NUP153: variants seen among roughly 807,000 people sequenced by gnomAD.
The protein encoded by NUP153 is nucleoporin 153, also known as nuclear pore complex protein Nup153.
A neutral mutation model predicts 134.6 loss-of-function variants in NUP153; 27 were observed. That is an observed-to-expected ratio of 0.20 (90% CI 0.15 to 0.28). NUP153 has a LOEUF of 0.28. Ranked by LOEUF, NUP153 falls within the 10% of genes least tolerant of loss-of-function variation. NUP153 has a pLI of 1.00. For missense variants in NUP153, 1,821 were observed against 1,731.3 expected, an observed-to-expected ratio of 1.05 and a Z score of -0.92; for synonymous variants, 640 against 623.5, an observed-to-expected ratio of 1.03 and a Z score of -0.40.
rs1453625451 is a variant in NUP153 at position 17,638,698 on chromosome 6, C to A, written c.1847-928G>T. ...AAATGAAGATTCTCCCCAAACATTT[C>A]CTATTTAAGAAGTAAAAAGGGAGCA... On this transcript the variant is annotated intron_variant, in intron 15 of 21. Coordinates refer to ENST00000262077, the MANE Select transcript of NUP153 (RefSeq NM_005124.4). This position sits in a 1 kb window ranked among gnomAD's most constrained non-coding sequence, Gnocchi z 4.0. 6.6e-6 allele frequency among the ~76,000 whole-genome samples: 1 copy of A among 152,156 alleles called. No individual in the cohort carries two copies.
chr6:17,644,797 A>G (rs564652403), intron 14 of NUP153, among the ~76,000 whole-genome samples: 1 of 152,262 alleles, frequency 6.6e-6, no homozygotes, highest in South Asian at 2.1e-4. Context: ...ACAAAAAATT[A>G]GCCAGGGGCA....
chr6:17,675,282 T>C lies in NUP153; in HGVS notation c.670A>G (p.Thr224Ala). Residue 224 changes from threonine to alanine, a missense_variant, in exon 4 of 22, where the codon ACC (threonine) becomes GCC (alanine). Physicochemically the swap from Thr to Ala is moderately conservative, Grantham distance 58 (BLOSUM62 0). Transcript: ENST00000262077. The surrounding 1 kb of genome is among the most constrained non-coding windows in gnomAD (Gnocchi z 4.4). ...TTGAATGCTGGTTTTTTTGAGCTGG[T>C]GGCAGTGTGCTGTGAGAGTGAGTGA... Reference protein sequence around the residue: ...RSHSLSQHTATSSKKPAFNLS... With the variant: ...RSHSLSQHTAASSKKPAFNLS... The C allele has an allele frequency of 6.2e-7, 1 of 1,614,180 alleles. No individual in the cohort carries two copies. Among genetic ancestry groups the C allele is most frequent in the African/African-American group, 1.3e-5 (1 of 75,066 alleles).
At chr6:17,618,508 G>A (rs1764452826) in intron 20 of NUP153, among the ~76,000 whole-genome samples, 1 of 149,220 alleles carries the variant, frequency 6.7e-6, no homozygotes, top group South Asian at 2.1e-4. Context: ...GAAACATCCA[G>A]AAAATAAAAA....
intron 11 of NUP153, among the ~76,000 whole-genome samples, chr6:17,657,671 C>A (rs1029744186): frequency 3.9e-5 from 6 of 152,128 alleles, no homozygotes; most frequent in African/African-American, 1.4e-4. Flanking sequence ...ATAAAGCTAA[C>A]CTGTATTTTC....
intron 5 of NUP153, among the ~76,000 whole-genome samples, chr6:17,670,523 T>C (rs1241575313): frequency 6.6e-6 from 1 of 152,226 alleles, no homozygotes; most frequent in African/African-American, 2.4e-5. Context: ...CCAATCTGCA[T>C]GCATTGATTT....
intron 1 of NUP153, among the ~76,000 whole-genome samples, chr6:17,689,421 A>C (rs1399033212): frequency 6.6e-6 from 1 of 152,068 alleles, no homozygotes; most frequent in Non-Finnish European, 1.5e-5. Context: ...ACAAACAAAA[A>C]AAAACAATCC....
intron 11 of NUP153, among the ~76,000 whole-genome samples, chr6:17,656,084 A>G (rs7745019): frequency 0.11 from 16,240 of 151,704 alleles, 907 homozygotes; most frequent in Admixed American, 0.14. Flanking sequence ...GTACGCTTGT[A>G]ATCCCAGCTA....
chr6:17,696,990 G>A (rs900527495), intron 1 of NUP153, among the ~76,000 whole-genome samples: 2 of 151,524 alleles, frequency 1.3e-5, no homozygotes, highest in African/African-American at 4.9e-5. Flanking sequence ...AGAATCACTT[G>A]AACCTGGGAG....
chr6:17,704,067 G>A (rs1264535150), intron 1 of NUP153, among the ~76,000 whole-genome samples: 1 of 152,212 alleles, frequency 6.6e-6, no homozygotes, highest in Admixed American at 6.5e-5. Context: ...CCGAAGCGGG[G>A]AGATCACGAG....
At chr6:17,655,180 G>C (rs983223427) in intron 11 of NUP153, among the ~76,000 whole-genome samples, 1 of 152,120 alleles carries the variant, frequency 6.6e-6, no homozygotes, top group Non-Finnish European at 1.5e-5. Context: ...AAAAGCAAAA[G>C]GCCAATATAT....
At chr6:17,704,359 T>G (rs1472190554) in intron 1 of NUP153, among the ~76,000 whole-genome samples, 1 of 151,968 alleles carries the variant, frequency 6.6e-6, no homozygotes, top group Admixed American at 6.6e-5. Context: ...CTAACCTCTA[T>G]TCAGACCATC....
intron 14 of NUP153, among the ~76,000 whole-genome samples, chr6:17,641,424 A>T (rs1765833264): frequency 6.6e-6 from 1 of 152,084 alleles, no homozygotes; most frequent in South Asian, 2.1e-4. Context: ...AGTCTCAGCT[A>T]CTCAGGAGGC....
chr6:17,666,250 C>T (rs1468603787), intron 8 of NUP153, among the ~76,000 whole-genome samples: 2 of 152,140 alleles, frequency 1.3e-5, no homozygotes, highest in African/African-American at 4.8e-5. Flanking sequence ...GGCGTGGTGG[C>T]TCACACCTGT....
intron 1 of NUP153, among the ~76,000 whole-genome samples, chr6:17,696,711 C>T (rs1003357141): frequency 1.3e-5 from 2 of 151,576 alleles, no homozygotes; most frequent in South Asian, 4.2e-4. Context: ...GCCAAGATGG[C>T]GCCACTGCAC....
chr6:17,671,299 G>GTAA (rs1305013970), intron 5 of NUP153, among the ~76,000 whole-genome samples: 2 of 151,994 alleles, frequency 1.3e-5, no homozygotes, highest in Non-Finnish European at 2.9e-5. Flanking sequence ...TGGTCTCGGG[G>GTAA]TAATAATGTT....
At chr6:17,668,938 A>T in intron 8 of NUP153, 37 bp downstream of exon 8, 1 of 1,389,838 alleles carries the variant, frequency 7.2e-7, no homozygotes, top group Non-Finnish European at 1.0e-6. Flanking sequence ...ACAAAATTGT[A>T]GACAGTTTAA....
chr6:17,615,870 T>C lies in NUP153; in HGVS notation c.*227A>G. On this transcript the variant is annotated 3_prime_UTR_variant, in exon 22 of 22. Transcript: ENST00000262077. This position sits in a 1 kb window ranked among gnomAD's most constrained non-coding sequence, Gnocchi z 5.7. ...GTGAATAATCTGCTGGATCATAAAA[T>C]ATTTTTGCTGAAGAATCAGTCACCA... 1 of 476,588 alleles carries C rather than the reference T, an allele frequency of 2.1e-6. No individual in the cohort carries two copies. The highest frequency in any genetic ancestry group is 3.3e-5 in the South Asian group (1 of 29,858). The allele number at this position is 476,588 out of a possible 1,614,324, so 29.5% of individuals were successfully genotyped here.
intron 15 of NUP153, 101 bp downstream of exon 15, chr6:17,639,838 A>C (rs971684865): frequency 3.6e-5 from 39 of 1,070,098 alleles, no homozygotes; most frequent in Non-Finnish European, 4.8e-5. Flanking sequence ...TCTCCTACCA[A>C]ACTAGTCAGA....
chr6:17,666,558 A>C (rs1169084610), intron 8 of NUP153, among the ~76,000 whole-genome samples: 1 of 152,180 alleles, frequency 6.6e-6, no homozygotes, highest in Non-Finnish European at 1.5e-5. Context: ...TTTAACTCCC[A>C]AAAATGTGAC....
Sources: allele counts gnomAD v4.1 joint callset (sites outside exome capture counted in the v4.1 genomes callset), GRCh38; gene constraint gnomAD v4.1.1; non-coding constraint Gnocchi (gnomAD v3.1); transcripts MANE v1.5; gene names NCBI Gene and HGNC (gene_info 2026-07-23, HGNC 2026-07-21).